The following IL2RB variants were observed in gnomAD, a reference collection of about 807,000 sequenced individuals.
The protein encoded by IL2RB is interleukin 2 receptor subunit beta, also known as interleukin-2 receptor subunit beta.
Under a neutral mutation model 44.2 loss-of-function variants are expected in IL2RB, and 17 were observed. The observed-to-expected ratio is 0.38, with a 90% CI of 0.26 to 0.58. The LOEUF (loss-of-function observed/expected upper bound fraction) is 0.58. Among genes scored for constraint, IL2RB ranks in the 20% least tolerant of loss-of-function variants. The pLI, the probability that IL2RB is intolerant of heterozygous loss-of-function variation, is 0.63. For synonymous variants in IL2RB, 286 were observed against 297.9 expected, an observed-to-expected ratio of 0.96 and a Z score of 0.41; for missense variants, 624 against 685.5, an observed-to-expected ratio of 0.91 and a Z score of 1.00.
chr22:37,135,363 C>T lies in IL2RB; in HGVS notation c.783G>A (p.Val261=), dbSNP rs1192013309. The T allele has an allele frequency of 1.2e-6, 2 of 1,613,850 alleles. No individual in the cohort carries two copies. The highest frequency in any genetic ancestry group is 1.7e-6 in the Non-Finnish European group (2 of 1,179,818). ...LSGAFGFIIL[V]YLLINCRNTG... ...TGTTCCTGCAGTTGATCAGCAAGTA[C>T]ACTAAGATGATGAAGCCAAAAGCCC... is the stretch of plus-strand genomic sequence containing the variant. The change falls in exon 8 of 10, where the codon GTG becomes GTA. Residue 261 remains valine, a synonymous_variant. Transcript: ENST00000216223.
intron 1 of IL2RB, among the ~76,000 whole-genome samples, chr22:37,148,855 G>A (rs1213208723): frequency 6.6e-6 from 1 of 152,078 alleles, no homozygotes; most frequent in East Asian, 1.9e-4. Context: ...GGTGGCTGGG[G>A]CAGGGTGGTA....
Position 37,143,475 on chromosome 22 carries a change from G to C in IL2RB, c.203+46C>G, listed in dbSNP as rs747395932. 8 of 1,282,344 alleles carry C rather than the reference G, an allele frequency of 6.2e-6. No homozygotes were observed. The East Asian group carries it at 1.9e-4, about 30-fold the overall frequency. The allele number at this position is 1,282,344 out of a possible 1,614,324, so 79.4% of individuals were successfully genotyped here. On this transcript the variant is annotated intron_variant, in intron 3 of 9. Coordinates refer to ENST00000216223, the MANE Select transcript of IL2RB (RefSeq NM_000878.5). Reference sequence around the variant, plus strand: ...GTCCAGTGCATAGGATCCAGAATATGAGATCCCACCATCCTAAGATTCTGC... The same window carrying C: ...GTCCAGTGCATAGGATCCAGAATATCAGATCCCACCATCCTAAGATTCTGC...
intron 9 of IL2RB, among the ~76,000 whole-genome samples, chr22:37,131,485 G>A (rs376349364): frequency 1.2e-4 from 19 of 152,212 alleles, no homozygotes; most frequent in East Asian, 5.8e-4. Flanking sequence ...AAGAGGAGAC[G>A]ACGGAATCTG....
chr22:37,146,749 G>A lies in IL2RB; in HGVS notation c.-33-2544C>T, dbSNP rs185539885. On this transcript the variant is annotated intron_variant, in intron 1 of 9. Coordinates refer to ENST00000216223, the MANE Select transcript of IL2RB (RefSeq NM_000878.5). Reference sequence around the variant, plus strand: ...TCCAGGGACTGCTGAGCACAGGGCCGGGCACACAGTCGGTGCTCAATAAAT... The same window carrying A: ...TCCAGGGACTGCTGAGCACAGGGCCAGGCACACAGTCGGTGCTCAATAAAT... Among the ~76,000 whole-genome samples, 539 of 152,282 alleles carry A rather than the reference G, an allele frequency of 3.5e-3. 6 individuals carry two copies. Among genetic ancestry groups the A allele is most frequent in the Admixed American group, 0.019 (289 of 15,300 alleles).
chr22:37,169,033 G>T (rs368244923), intron 1 of IL2RB, among the ~76,000 whole-genome samples: 2 of 151,828 alleles, frequency 1.3e-5, no homozygotes, highest in South Asian at 4.2e-4. Context: ...TGTTTACAGA[G>T]GAGTTCTGTT....
intron 1 of IL2RB, among the ~76,000 whole-genome samples, chr22:37,171,188 G>C (rs1034638806): frequency 6.6e-6 from 1 of 152,144 alleles, no homozygotes; most frequent in Non-Finnish European, 1.5e-5. Flanking sequence ...TCACCATGCT[G>C]GCCAGGCTGG....
rs1464860323 is a variant in IL2RB at position 37,128,638 on chromosome 22, C to A, written c.1114G>T (p.Ala372Ser). ...ACCTGGCAGGCCTCTATCTCCAAGG[C>A]ATCCGGGAGGTGGAAGAAGAAGTAA... is the stretch of plus-strand genomic sequence containing the variant. ...QGYFFFHLPDALEIEACQVYF... is the reference protein window; with the variant it reads ...QGYFFFHLPDSLEIEACQVYF... The change falls in exon 10 of 10, where the codon GCC becomes TCC. Residue 372 changes from alanine to serine, a missense_variant. Around this residue, in one of 3 missense-constraint regions of IL2RB, gnomAD observed 291 missense variants for 275.5 expected, o/e 1.06. Transcript: ENST00000216223. The surrounding 1 kb of genome is among the most constrained non-coding windows in gnomAD (Gnocchi z 4.5). 3.0e-5 allele frequency: 49 copies of A among 1,614,026 alleles called. No homozygotes were observed. The highest frequency in any genetic ancestry group is 4.0e-5 in the Non-Finnish European group (47 of 1,179,978).
chr22:37,142,600 G>T, intron 3 of IL2RB, 88 bp from the exon 4 acceptor site: 1 of 1,369,680 alleles, frequency 7.3e-7, no homozygotes, highest in Non-Finnish European at 1.0e-6. Context: ...TCTGCTGCCA[G>T]GATGGCACCA....
intron 1 of IL2RB, among the ~76,000 whole-genome samples, chr22:37,148,972 C>T (rs553193945): frequency 1.3e-5 from 2 of 152,236 alleles, no homozygotes; most frequent in African/African-American, 4.8e-5. Context: ...CCCCCCTGCT[C>T]CCATACACAG....
upstream of IL2RB, among the ~76,000 whole-genome samples, chr22:37,153,374 G>A (rs1449834072): frequency 1.3e-5 from 2 of 152,334 alleles, no homozygotes; most frequent in South Asian, 2.1e-4. Context: ...AAGAAGAAGC[G>A]TGGAGCACTG....
In IL2RB at chr22:37,141,089, C is replaced by G. The variant is rs1463285031; in HGVS notation, c.282+1345G>C. ...CCTGCCCTCCCAGGCAGGGCTGCAG[C>G]TGCCTAAGTCTTGGCTGTGGACCCA... On this transcript the variant is annotated intron_variant, in intron 4 of 9. Coordinates refer to ENST00000216223, the MANE Select transcript of IL2RB (RefSeq NM_000878.5). The surrounding 1 kb of genome is among the most constrained non-coding windows in gnomAD (Gnocchi z 4.4). Among the ~76,000 whole-genome samples the G allele has an allele frequency of 1.3e-5, 2 of 152,196 alleles. No individual in the cohort carries two copies. Among genetic ancestry groups the G allele is most frequent in the South Asian group, 4.1e-4 (2 of 4,834 alleles).
chr22:37,170,580 G>A (rs143102380), intron 1 of IL2RB, among the ~76,000 whole-genome samples: 1 of 152,282 alleles, frequency 6.6e-6, no homozygotes, highest in East Asian at 1.9e-4. Flanking sequence ...ATCCCTCTCT[G>A]TGGAGGCATC....
Position 37,136,277 on chromosome 22 carries a change from C to T in IL2RB, c.654G>A (p.Thr218=), listed in dbSNP as rs756664397. 18 of 1,612,668 alleles carry T rather than the reference C, an allele frequency of 1.1e-5. No homozygotes were observed. In the South Asian group the frequency reaches 1.3e-4, roughly 12 times the overall value. The change falls in exon 7 of 10, where the codon ACG becomes ACA. Residue 218 remains threonine, a synonymous_variant. Transcript: ENST00000216223. ...VRVKPLQGEF[T]TWSPWSQPLA... ...GGGGCTGGCTCCAGGGGCTCCAGGT[C>T]GTGAACTCGCCTTGCAGAGGCTTGA... is the stretch of plus-strand genomic sequence containing the variant.
chr22:37,159,762 T>C (rs1024890250), intron 1 of IL2RB, among the ~76,000 whole-genome samples: 5 of 152,220 alleles, frequency 3.3e-5, no homozygotes, highest in Non-Finnish European at 5.9e-5. Flanking sequence ...AGTTCTGGAC[T>C]AGGGCAAAGC....
intron 1 of IL2RB, among the ~76,000 whole-genome samples, chr22:37,156,680 C>T (rs1182491884): frequency 2.0e-5 from 3 of 152,216 alleles, no homozygotes; most frequent in East Asian, 1.9e-4. Flanking sequence ...CCATTGGCTA[C>T]GCCTGAGTCA....
At position 37,128,729 on chromosome 22, in the gene IL2RB, G is replaced by C; in HGVS notation, c.1023C>G (p.Asp341Glu). Residue 341 changes from aspartate (D) to glutamate (E), a missense_variant, in exon 10 of 10, where the codon GAC (aspartate) becomes GAG (glutamate). By Grantham distance (45) the Asp-to-Glu change is conservative. Around this residue, in one of 3 missense-constraint regions of IL2RB, gnomAD observed 291 missense variants for 275.5 expected, o/e 1.06. Transcript: ENST00000216223. This position sits in a 1 kb window ranked among gnomAD's most constrained non-coding sequence, Gnocchi z 4.5. ...TTAAGGATGCGGGCTCAGGCACCTT[G>C]TCCTGCTGCAGGAGCAGCTGCGTCA... ...DKVTQLLLQQDKVPEPASLSS... is the reference protein window; with the variant it reads ...DKVTQLLLQQEKVPEPASLSS... 3 of 1,614,170 alleles carry C rather than the reference G, an allele frequency of 1.9e-6. No homozygotes were observed. The highest frequency in any genetic ancestry group is 2.5e-6 in the Non-Finnish European group (3 of 1,180,000).
At chr22:37,142,367 T>G in intron 4 of IL2RB, 67 bp downstream of exon 4, 15 of 1,456,036 alleles carry the variant, frequency 1.0e-5, no homozygotes, top group African/African-American at 1.4e-5. Context: ...CGGCCCACCC[T>G]GAGATCGCAG....
intron 7 of IL2RB, among the ~76,000 whole-genome samples, chr22:37,135,921 A>C (rs781105910): frequency 6.6e-6 from 1 of 152,150 alleles, no homozygotes; most frequent in Non-Finnish European, 1.5e-5. Flanking sequence ...CATTTCACAG[A>C]TCAGGCCGAG....
chr22:37,132,749 CAGAG>C (rs1462632733), intron 8 of IL2RB, among the ~76,000 whole-genome samples: 1 of 152,146 alleles, frequency 6.6e-6, no homozygotes, highest in Admixed American at 6.5e-5. Flanking sequence ...TCTGTGGAGA[CAGAG>C]AGCACAGTGC....
Sources: gnomAD v4.1 joint callset for allele counts (sites outside exome capture counted in the v4.1 genomes callset) on GRCh38, gnomAD v4.1.1 for gene constraint, gnomAD v4.1.1 regional missense constraint, Gnocchi (gnomAD v3.1) non-coding constraint, MANE v1.5 for transcripts, NCBI Gene and HGNC (gene_info 2026-07-23, HGNC 2026-07-21) for gene names.